RBFOX1: variants seen among roughly 807,000 people sequenced by gnomAD.
RBFOX1 encodes the protein RNA binding fox-1 homolog 1.
A neutral mutation model predicts 57.7 loss-of-function variants in RBFOX1; 8 were observed. That is an observed-to-expected ratio of 0.14 (90% CI 0.08 to 0.25). RBFOX1 has a LOEUF of 0.25. Among genes scored for constraint, RBFOX1 ranks in the 10% least tolerant of loss-of-function variants. RBFOX1 has a pLI of 1.00. For missense variants in RBFOX1, 611 were observed against 548.5 expected (o/e 1.11, Z -1.14); for synonymous variants, 326 against 222.4 (o/e 1.47, Z -4.15).
intron 4 of RBFOX1, among the ~76,000 whole-genome samples, chr16:7,338,184 T>A (rs2096828678): frequency 2.0e-5 from 3 of 152,268 alleles, no homozygotes; most frequent in Non-Finnish European, 4.4e-5. Context: ...GCATTAACTG[T>A]TTTCCCTAAT....
intron 2 of RBFOX1, among the ~76,000 whole-genome samples, chr16:6,469,115 A>G (rs1314463681): frequency 6.6e-6 from 1 of 152,180 alleles, no homozygotes; most frequent in Non-Finnish European, 1.5e-5. Context: ...ATGATGCTGC[A>G]TTACAACCTG....
intron 4 of RBFOX1, among the ~76,000 whole-genome samples, chr16:7,484,422 G>C (rs2064842961): frequency 1.3e-5 from 2 of 152,132 alleles, no homozygotes; most frequent in African/African-American, 4.8e-5. Context: ...GTTATCCAAA[G>C]TGGCTGTGCC....
intron 1 of RBFOX1, among the ~76,000 whole-genome samples, chr16:5,302,123 A>G (rs186082184): frequency 1.1e-4 from 16 of 152,224 alleles, no homozygotes; most frequent in South Asian, 6.2e-4. Flanking sequence ...CATATCACAA[A>G]TTTCAATATA....
intron 5 of RBFOX1, among the ~76,000 whole-genome samples, chr16:7,547,711 A>G (rs910694066): frequency 6.6e-6 from 1 of 152,182 alleles, no homozygotes; most frequent in Non-Finnish European, 1.5e-5. Context: ...TAAGTTTGCA[A>G]CTCAGGCACC....
intron 4 of RBFOX1, among the ~76,000 whole-genome samples, chr16:7,477,309 C>T (rs2062938632): frequency 6.6e-6 from 1 of 152,140 alleles, no homozygotes. Flanking sequence ...TACATATATT[C>T]ATATCATCTA....
At chr16:5,348,644 A>G (rs899984592) in intron 1 of RBFOX1, among the ~76,000 whole-genome samples, 2 of 152,200 alleles carry the variant, frequency 1.3e-5, no homozygotes, top group South Asian at 2.1e-4. Context: ...CAGACATGGA[A>G]CGTGAATTTA....
intron 14 of RBFOX1, among the ~76,000 whole-genome samples, chr16:7,701,978 A>G (rs984168335): frequency 6.6e-6 from 1 of 152,172 alleles, no homozygotes; most frequent in African/African-American, 2.4e-5. Context: ...ATCTTTCTGT[A>G]GGGCAGAGGT....
At chr16:6,875,703 C>A (rs546935272) in intron 3 of RBFOX1, among the ~76,000 whole-genome samples, 1 of 152,170 alleles carries the variant, frequency 6.6e-6, no homozygotes, top group Non-Finnish European at 1.5e-5. Context: ...TCTCTGGTAG[C>A]CTAAATGAAT....
At chr16:6,740,863 C>T (rs768795361) in intron 3 of RBFOX1, among the ~76,000 whole-genome samples, 3 of 152,042 alleles carry the variant, frequency 2.0e-5, no homozygotes, top group Non-Finnish European at 2.9e-5. Context: ...TAAATATAGA[C>T]AAGATTATCT....
intron 3 of RBFOX1, among the ~76,000 whole-genome samples, chr16:6,982,989 T>C (rs2089328706): frequency 2.0e-5 from 2 of 102,516 alleles, no homozygotes; most frequent in South Asian, 6.7e-4. Context: ...AGTGAGACTC[T>C]GTCTAAAAAA....
intron 4 of RBFOX1, among the ~76,000 whole-genome samples, chr16:7,395,671 G>A (rs894649887): frequency 6.6e-6 from 1 of 152,216 alleles, no homozygotes; most frequent in Non-Finnish European, 1.5e-5. Flanking sequence ...ATGCAGTACA[G>A]TTATTAAATA....
intron 4 of RBFOX1, among the ~76,000 whole-genome samples, chr16:7,094,214 C>T (rs547446166): frequency 6.6e-6 from 1 of 152,030 alleles, no homozygotes; most frequent in South Asian, 2.1e-4. Context: ...AAATTAGTTT[C>T]TGTGCAAACT....
intron 1 of RBFOX1, among the ~76,000 whole-genome samples, chr16:6,207,722 C>T (rs763243939): frequency 3.9e-5 from 6 of 152,058 alleles, no homozygotes; most frequent in South Asian, 2.1e-4. Flanking sequence ...GGGCCTCACT[C>T]TGTCACTCAG....
chr16:6,082,996 G>GTGTTTGTT (rs753284977), intron 1 of RBFOX1, among the ~76,000 whole-genome samples: 2 of 111,648 alleles, frequency 1.8e-5, no homozygotes, highest in African/African-American at 6.5e-5. Flanking sequence ...TTTTGTTTGT[G>GTGTTTGTT]TGTTTGTTTG....
At chr16:6,865,925 C>T (rs1335176241) in intron 3 of RBFOX1, among the ~76,000 whole-genome samples, 1 of 151,824 alleles carries the variant, frequency 6.6e-6, no homozygotes, top group Non-Finnish European at 1.5e-5. Context: ...ATGAAAAAGC[C>T]ACCTCATTTG....
intron 4 of RBFOX1, among the ~76,000 whole-genome samples, chr16:7,453,892 C>G (rs569338249): frequency 3.9e-5 from 6 of 152,204 alleles, no homozygotes; most frequent in African/African-American, 1.2e-4. Context: ...GTTGTCCTCG[C>G]AAAGAAGGAG....
chr16:7,137,447 G>C (rs146792289), intron 4 of RBFOX1, among the ~76,000 whole-genome samples: 1 of 152,256 alleles, frequency 6.6e-6, no homozygotes, highest in Non-Finnish European at 1.5e-5. Context: ...TTTATAAGGG[G>C]AAACCCCTTC....
intron 1 of RBFOX1, among the ~76,000 whole-genome samples, chr16:6,304,348 T>C (rs1024365538): frequency 1.3e-5 from 2 of 152,130 alleles, no homozygotes; most frequent in Non-Finnish European, 2.9e-5. Flanking sequence ...TGTGTTTTTT[T>C]ATCCTGGCTC....
chr16:6,285,999 T>C (rs1254469385), intron 1 of RBFOX1, among the ~76,000 whole-genome samples: 1 of 152,184 alleles, frequency 6.6e-6, no homozygotes, highest in East Asian at 1.9e-4. Context: ...CTAATATTGT[T>C]AGAGCAAACA....
Sources: gnomAD v4.1 joint callset for allele counts (sites outside exome capture counted in the v4.1 genomes callset) on GRCh38, gnomAD v4.1.1 for gene constraint, MANE v1.5 for transcripts, NCBI Gene and HGNC (gene_info 2026-07-23, HGNC 2026-07-21) for gene names.